The following PDGFC variants were observed in gnomAD, a reference collection of about 807,000 sequenced individuals.
PDGFC encodes the protein platelet derived growth factor C.
PDGFC carries 12 observed loss-of-function variants against 35.5 expected under a neutral mutation model. The observed-to-expected ratio is 0.34, with a 90% CI of 0.22 to 0.55. The LOEUF (loss-of-function observed/expected upper bound fraction) is 0.55. PDGFC is among the 20% of genes least tolerant of loss of function. The probability of loss-of-function intolerance (pLI) is 0.91; values close to 1 mark genes in which losing one functional copy is unlikely to be tolerated. For synonymous variants in PDGFC, 159 were observed against 148.8 expected, an observed-to-expected ratio of 1.07 and a Z score of -0.50; for missense variants, 322 against 412.4, an observed-to-expected ratio of 0.78 and a Z score of 1.90.
intron 1 of PDGFC, among the ~76,000 whole-genome samples, chr4:156,936,197 G>A (rs962544300): frequency 2.1e-4 from 32 of 152,156 alleles, no homozygotes; most frequent in African/African-American, 2.4e-5. Context: ...ACCCAACGTC[G>A]TAATAGAATG....
chr4:156,819,649 C>T (rs77452805), intron 2 of PDGFC, among the ~76,000 whole-genome samples: 9 of 152,252 alleles, frequency 5.9e-5, no homozygotes, highest in East Asian at 1.9e-4. Flanking sequence ...TGAAGATGTA[C>T]GTATAAGGAG....
At chr4:156,862,619 C>G (rs540770280) in intron 1 of PDGFC, among the ~76,000 whole-genome samples, 1 of 152,148 alleles carries the variant, frequency 6.6e-6, no homozygotes, top group Non-Finnish European at 1.5e-5. Flanking sequence ...CCAAAAAACA[C>G]CAATGTTAAT....
intron 1 of PDGFC, among the ~76,000 whole-genome samples, chr4:156,904,297 C>G (rs1350626988): frequency 3.9e-5 from 6 of 151,912 alleles, no homozygotes; most frequent in South Asian, 4.1e-4. Context: ...TAATTAAAAG[C>G]CTTTTATGGT....
intron 2 of PDGFC, among the ~76,000 whole-genome samples, chr4:156,825,575 T>TG (rs1553967764): frequency 4.2e-5 from 4 of 95,564 alleles, no homozygotes; most frequent in African/African-American, 2.3e-4. Context: ...ATAATAATAA[T>TG]AATAATAATA....
chr4:156,840,143 T>C (rs946313733), intron 2 of PDGFC, among the ~76,000 whole-genome samples: 1 of 151,982 alleles, frequency 6.6e-6, no homozygotes. Context: ...ACCAAGACAA[T>C]GGGAAAAATG....
At chr4:156,834,914 T>A (rs1193100147) in intron 2 of PDGFC, among the ~76,000 whole-genome samples, 2 of 151,452 alleles carry the variant, frequency 1.3e-5, no homozygotes, top group Non-Finnish European at 2.9e-5. Flanking sequence ...ATAGTTAGTC[T>A]GAAAATGGCA....
At chr4:156,793,942 T>C (rs549924231) in intron 3 of PDGFC, among the ~76,000 whole-genome samples, 2 of 152,216 alleles carry the variant, frequency 1.3e-5, no homozygotes, top group African/African-American at 4.8e-5. Context: ...TGAGATTCAG[T>C]AAAGGATCTT....
At chr4:156,947,103 G>T (rs1324899692) in intron 1 of PDGFC, among the ~76,000 whole-genome samples, 1 of 151,970 alleles carries the variant, frequency 6.6e-6, no homozygotes, top group African/African-American at 2.4e-5. Flanking sequence ...GGACCAAAGA[G>T]ATCGCCCTCT....
At chr4:156,920,697 A>T (rs1731255626) in intron 1 of PDGFC, among the ~76,000 whole-genome samples, 1 of 151,604 alleles carries the variant, frequency 6.6e-6, no homozygotes, top group Non-Finnish European at 1.5e-5. Context: ...ACACATATAC[A>T]CACACTGCAG....
intron 1 of PDGFC, among the ~76,000 whole-genome samples, chr4:156,948,750 T>C (rs745656263): frequency 2.1e-4 from 32 of 151,976 alleles, no homozygotes; most frequent in Admixed American, 3.9e-4. Flanking sequence ...TGTATTTCAT[T>C]CTAGTTCCTC....
chr4:156,767,047 A>G (rs1197989467), intron 5 of PDGFC, among the ~76,000 whole-genome samples: 1 of 152,070 alleles, frequency 6.6e-6, no homozygotes, highest in African/African-American at 2.4e-5. Flanking sequence ...TTTTGTAGAA[A>G]TTCAAGTTGA....
chr4:156,899,999 T>C lies in PDGFC; in HGVS notation c.119-49583A>G, dbSNP rs569512161. ...AATCTGACTTATCATAATTCATTTA[T>C]AAACTAAGATCATGACCTGCATCTC... On this transcript the variant is annotated intron_variant, in intron 1 of 5. Transcript: ENST00000502773. Among the ~76,000 whole-genome samples, 81 of 152,310 alleles carry C rather than the reference T, an allele frequency of 5.3e-4. 2 individuals carry two copies. The South Asian group carries it at 0.017, about 32-fold the overall frequency.
At chr4:156,791,384 G>A (rs1336730054) in intron 3 of PDGFC, among the ~76,000 whole-genome samples, 1 of 151,984 alleles carries the variant, frequency 6.6e-6, no homozygotes, top group African/African-American at 2.4e-5. Context: ...TATTACTAAC[G>A]TGGAAACTCA....
At chr4:156,875,065 A>G (rs1376421060) in intron 1 of PDGFC, among the ~76,000 whole-genome samples, 1 of 152,146 alleles carries the variant, frequency 6.6e-6, no homozygotes, top group Non-Finnish European at 1.5e-5. Flanking sequence ...AGTACTATTC[A>G]CAACCTCCTA....
At chr4:156,795,164 T>C (rs2110894391) in intron 3 of PDGFC, among the ~76,000 whole-genome samples, 1 of 152,308 alleles carries the variant, frequency 6.6e-6, no homozygotes, top group African/African-American at 2.4e-5. Flanking sequence ...AATTACTAAG[T>C]TATTCAAATA....
intron 1 of PDGFC, among the ~76,000 whole-genome samples, chr4:156,968,946 T>C (rs1168673950): frequency 5.3e-5 from 8 of 152,150 alleles, no homozygotes. Context: ...TTGGGTAAAG[T>C]GGCCTATGAC....
intron 1 of PDGFC, among the ~76,000 whole-genome samples, chr4:156,931,056 G>A (rs1176659943): frequency 6.6e-6 from 1 of 152,068 alleles, no homozygotes; most frequent in Non-Finnish European, 1.5e-5. Flanking sequence ...TAGGGGCTGA[G>A]GGGATGGAGG....
At chr4:156,824,076 G>A (rs373026998) in intron 2 of PDGFC, among the ~76,000 whole-genome samples, 1 of 151,792 alleles carries the variant, frequency 6.6e-6, no homozygotes, top group Non-Finnish European at 1.5e-5. Context: ...GAGCCTAGAG[G>A]GAGTTGGAAT....
At chr4:156,898,404 T>C (rs1162063914) in intron 1 of PDGFC, among the ~76,000 whole-genome samples, 1 of 152,304 alleles carries the variant, frequency 6.6e-6, no homozygotes. Flanking sequence ...AACTAATAAC[T>C]ACTGAAGTGA....
Sources: allele counts gnomAD v4.1 joint callset (sites outside exome capture counted in the v4.1 genomes callset), GRCh38; gene constraint gnomAD v4.1.1; transcripts MANE v1.5; gene names NCBI Gene and HGNC (gene_info 2026-07-23, HGNC 2026-07-21).